The following HS3ST3A1 variants were observed in gnomAD, a reference collection of about 807,000 sequenced individuals.
HS3ST3A1 encodes the protein heparan sulfate-glucosamine 3-sulfotransferase 3A1.
Under a neutral mutation model 25.7 loss-of-function variants are expected in HS3ST3A1, and 19 were observed. The ratio of observed to expected loss-of-function variants is 0.74; its 90% confidence interval spans 0.52 to 1.08. The LOEUF is 1.08. Among genes scored for constraint, HS3ST3A1 ranks in the 50% least tolerant of loss-of-function variants. The probability of loss-of-function intolerance (pLI) is 0.00; values close to 1 mark genes in which losing one functional copy is unlikely to be tolerated. For missense variants in HS3ST3A1, 459 were observed against 594.3 expected, an observed-to-expected ratio of 0.77 and a Z score of 2.37; for synonymous variants, 226 against 278.6, an observed-to-expected ratio of 0.81 and a Z score of 1.88.
chr17:13,504,355 T>C (rs191899460), intron 1 of HS3ST3A1, among the ~76,000 whole-genome samples: 81 of 152,174 alleles, frequency 5.3e-4, no homozygotes, highest in African/African-American at 1.9e-3. Context: ...AACATTACAA[T>C]GCTAACAAAC....
intron 1 of HS3ST3A1, among the ~76,000 whole-genome samples, chr17:13,513,560 C>T (rs1435316584): frequency 6.6e-6 from 1 of 152,154 alleles, no homozygotes; most frequent in African/African-American, 2.4e-5. Context: ...CTATGCAGAG[C>T]TTTATGTTAA....
intron 1 of HS3ST3A1, among the ~76,000 whole-genome samples, chr17:13,562,024 C>T (rs931754135): frequency 2.6e-5 from 4 of 152,052 alleles, no homozygotes; most frequent in South Asian, 2.1e-4. Context: ...AAAGTCACGC[C>T]GCCCATGTCC....
At chr17:13,532,548 G>C (rs2142333409) in intron 1 of HS3ST3A1, among the ~76,000 whole-genome samples, 1 of 152,218 alleles carries the variant, frequency 6.6e-6, no homozygotes, top group East Asian at 1.9e-4. Flanking sequence ...AGTTTTCCAG[G>C]AGAGTCCAGG....
intron 1 of HS3ST3A1, among the ~76,000 whole-genome samples, chr17:13,503,621 A>G (rs947948057): frequency 5.9e-5 from 9 of 152,234 alleles, no homozygotes; most frequent in Non-Finnish European, 1.0e-4. Flanking sequence ...ACACACGAGA[A>G]GGCACTGAAC....
intron 1 of HS3ST3A1, among the ~76,000 whole-genome samples, chr17:13,537,172 G>T (rs1906796169): frequency 6.6e-6 from 1 of 152,216 alleles, no homozygotes; most frequent in Non-Finnish European, 1.5e-5. Context: ...CATAGCCTGA[G>T]CTCTGCTAGG....
intron 1 of HS3ST3A1, among the ~76,000 whole-genome samples, chr17:13,563,208 G>A (rs576547134): frequency 4.6e-5 from 7 of 151,954 alleles, no homozygotes; most frequent in South Asian, 2.1e-4. Flanking sequence ...TGAAATGTTC[G>A]CCAGAACCGC....
At chr17:13,587,142 A>C (rs1908297144) in intron 1 of HS3ST3A1, among the ~76,000 whole-genome samples, 1 of 151,360 alleles carries the variant, frequency 6.6e-6, no homozygotes, top group African/African-American at 2.4e-5. Flanking sequence ...TAAAGTCCCA[A>C]CTCCTTAAAC....
At chr17:13,514,159 T>C (rs9893620) in intron 1 of HS3ST3A1, among the ~76,000 whole-genome samples, 23,645 of 152,024 alleles carry the variant, frequency 0.16, 1,839 homozygotes, top group Non-Finnish European at 0.17. Context: ...AGATTTCAAA[T>C]ATTTTCTTTA....
chr17:13,549,715 A>C (rs1907190350), intron 1 of HS3ST3A1, among the ~76,000 whole-genome samples: 1 of 152,070 alleles, frequency 6.6e-6, no homozygotes, highest in African/African-American at 2.4e-5. Flanking sequence ...CAGACTTAAC[A>C]TGGTTCCATG....
intron 1 of HS3ST3A1, among the ~76,000 whole-genome samples, chr17:13,502,960 C>G (rs1182784317): frequency 6.6e-6 from 1 of 151,258 alleles, no homozygotes; most frequent in Non-Finnish European, 1.5e-5. Context: ...GCAGGCCAAT[C>G]ATGAGGTCAA....
intron 1 of HS3ST3A1, among the ~76,000 whole-genome samples, chr17:13,568,772 T>C (rs1907734254): frequency 6.6e-6 from 1 of 152,126 alleles, no homozygotes; most frequent in African/African-American, 2.4e-5. Flanking sequence ...GGAACCAAGT[T>C]GTAAAAAATC....
intron 1 of HS3ST3A1, among the ~76,000 whole-genome samples, chr17:13,551,958 C>T (rs1358397627): frequency 2.0e-5 from 3 of 152,242 alleles, no homozygotes; most frequent in Non-Finnish European, 4.4e-5. Context: ...GGAACCCTGT[C>T]TGAATCCTCT....
intron 1 of HS3ST3A1, among the ~76,000 whole-genome samples, chr17:13,557,100 C>T (rs1907402921): frequency 6.6e-6 from 1 of 152,156 alleles, no homozygotes; most frequent in Admixed American, 6.5e-5. Context: ...CAAAAGGATA[C>T]ATACAAAGCA....
chr17:13,584,264 A>G (rs1416219098), intron 1 of HS3ST3A1, among the ~76,000 whole-genome samples: 1 of 152,220 alleles, frequency 6.6e-6, no homozygotes, highest in Non-Finnish European at 1.5e-5. Context: ...AGCTTAGAAT[A>G]GACTGGTACA....
chr17:13,496,953 C>T (rs4792365), intron 1 of HS3ST3A1, 135 bp from the exon 2 acceptor site: 6 of 1,192,248 alleles, frequency 5.0e-6, no homozygotes, highest in African/African-American at 4.6e-5. Context: ...CTGATGGTGA[C>T]GTCGCACAAC....
At chr17:13,514,007 T>C (rs1016237396) in intron 1 of HS3ST3A1, among the ~76,000 whole-genome samples, 1 of 152,150 alleles carries the variant, frequency 6.6e-6, no homozygotes, top group African/African-American at 2.4e-5. Flanking sequence ...CTAGTAAGCA[T>C]AGGGAAATGA....
intron 1 of HS3ST3A1, among the ~76,000 whole-genome samples, chr17:13,570,204 G>A (rs12450600): frequency 0.059 from 8,809 of 148,340 alleles, 364 homozygotes; most frequent in South Asian, 0.092. Flanking sequence ...TATGGAAGAC[G>A]TAAATCGTAC....
intron 1 of HS3ST3A1, among the ~76,000 whole-genome samples, chr17:13,589,092 C>T (rs188220267): frequency 6.6e-6 from 1 of 152,154 alleles, no homozygotes; most frequent in Non-Finnish European, 1.5e-5. Context: ...AACTTGCAGC[C>T]ATTCACTTCA....
At chr17:13,508,504 C>A (rs1004529612) in intron 1 of HS3ST3A1, among the ~76,000 whole-genome samples, 4 of 152,142 alleles carry the variant, frequency 2.6e-5, no homozygotes, top group Non-Finnish European at 5.9e-5. Context: ...CAAGCAATTC[C>A]ACACATTTTC....
Sources: allele counts gnomAD v4.1 joint callset (sites outside exome capture counted in the v4.1 genomes callset), GRCh38; gene constraint gnomAD v4.1.1; transcripts MANE v1.5; gene names NCBI Gene and HGNC (gene_info 2026-07-23, HGNC 2026-07-21).